CGNL1: variants seen among roughly 807,000 people sequenced by gnomAD.
The protein encoded by CGNL1 is cingulin-like protein 1.
CGNL1 carries 132 observed loss-of-function variants against 141.2 expected under a neutral mutation model. The observed-to-expected ratio is 0.93, with a 90% CI of 0.81 to 1.08. The LOEUF (loss-of-function observed/expected upper bound fraction) is 1.08. Ranked by LOEUF, CGNL1 falls within the 50% of genes least tolerant of loss-of-function variation. The pLI is 0.00. For synonymous variants in CGNL1, 690 were observed against 622.1 expected, an observed-to-expected ratio of 1.11 and a Z score of -1.63; for missense variants, 1,870 against 1,588.6, an observed-to-expected ratio of 1.18 and a Z score of -3.01.
At position 57,531,572 on chromosome 15, in the gene CGNL1, A is replaced by G. The variant is rs990544948; in HGVS notation, c.3202-118A>G. On this transcript the variant is annotated intron_variant, in intron 13 of 18. Coordinates refer to ENST00000281282, the MANE Select transcript of CGNL1 (RefSeq NM_032866.5). ...AAGAAATAGATATATTGTTTTTCCAAACTCTAATGGTAGTTAGCTCTCATT... is the reference window on the plus strand; with the variant it reads ...AAGAAATAGATATATTGTTTTTCCAGACTCTAATGGTAGTTAGCTCTCATT... 30 of 681,440 alleles carry G rather than the reference A, an allele frequency of 4.4e-5. No individual in the cohort carries two copies. In the East Asian group the frequency reaches 5.6e-4, roughly 13 times the overall value. The allele number at this position is 681,440 out of a possible 1,614,324, so 42.2% of individuals were successfully genotyped here.
In CGNL1 at chr15:57,439,588, C is replaced by T. The variant is rs1595706712; in HGVS notation, c.1589C>T (p.Ala530Val). Residue 530 changes from alanine to valine, a missense_variant, in exon 2 of 19, where the codon GCC (alanine) becomes GTC (valine). Coordinates refer to ENST00000281282, the MANE Select transcript of CGNL1 (RefSeq NM_032866.5). ...ATTTCCGTGAAGACATTTCCTTCGG[C>T]CTCAAATACTCAGGTAACACTAGTG... is the stretch of plus-strand genomic sequence containing the variant. Reference protein sequence around the residue: ...KKISVKTFPSASNTQATPDLL... With the variant: ...KKISVKTFPSVSNTQATPDLL... 1 of 1,613,076 alleles carries T rather than the reference C, an allele frequency of 6.2e-7. No individual in the cohort carries two copies. Among genetic ancestry groups the T allele is most frequent in the Admixed American group, 1.7e-5 (1 of 59,994 alleles).
At chr15:57,422,079 T>C (rs2062921265) in intron 1 of CGNL1, among the ~76,000 whole-genome samples, 1 of 147,132 alleles carries the variant, frequency 6.8e-6, no homozygotes, top group Non-Finnish European at 1.5e-5. Flanking sequence ...ATGAAGTCCA[T>C]GTGGGGCCCT....
intron 1 of CGNL1, among the ~76,000 whole-genome samples, chr15:57,381,030 CA>C (rs1460644659): frequency 6.6e-6 from 1 of 152,204 alleles, no homozygotes; most frequent in Non-Finnish European, 1.5e-5. Flanking sequence ...AACTGGACTT[CA>C]CACTGTTTTT....
intron 8 of CGNL1, among the ~76,000 whole-genome samples, chr15:57,497,709 C>T (rs1406167769): frequency 2.0e-5 from 3 of 152,170 alleles, no homozygotes; most frequent in Non-Finnish European, 2.9e-5. Context: ...GCAGGCCCTG[C>T]GGAATCTGGA....
intron 4 of CGNL1, among the ~76,000 whole-genome samples, chr15:57,443,532 A>C (rs187803961): frequency 2.6e-5 from 4 of 152,252 alleles, no homozygotes; most frequent in Admixed American, 6.5e-5. Context: ...ACAGGGGATA[A>C]TTTTAGGCGT....
chr15:57,419,080 C>T (rs1478288572), intron 1 of CGNL1, among the ~76,000 whole-genome samples: 1 of 152,070 alleles, frequency 6.6e-6, no homozygotes, highest in African/African-American at 2.4e-5. Flanking sequence ...TACAGGCATG[C>T]GCCACCACGC....
chr15:57,395,501 C>T (rs925451717), intron 1 of CGNL1, among the ~76,000 whole-genome samples: 1 of 152,210 alleles, frequency 6.6e-6, no homozygotes, highest in African/African-American at 2.4e-5. Context: ...ACTGAATGCC[C>T]AGGTCACAGC....
intron 8 of CGNL1, among the ~76,000 whole-genome samples, chr15:57,484,521 G>C (rs544799212): frequency 6.6e-6 from 1 of 151,264 alleles, no homozygotes; most frequent in African/African-American, 2.4e-5. Context: ...GATTTTTTTT[G>C]TTAACATTTG....
intron 8 of CGNL1, among the ~76,000 whole-genome samples, chr15:57,492,013 G>C (rs1397449341): frequency 6.6e-6 from 1 of 152,152 alleles, no homozygotes; most frequent in Non-Finnish European, 1.5e-5. Flanking sequence ...ATCCTGAATG[G>C]GATCAAGAGC....
chr15:57,508,716 C>T (rs1163185353), intron 8 of CGNL1, among the ~76,000 whole-genome samples: 1 of 152,142 alleles, frequency 6.6e-6, no homozygotes, highest in African/African-American at 2.4e-5. Context: ...GCAGAAAGGC[C>T]CTGAGAGCTG....
intron 8 of CGNL1, among the ~76,000 whole-genome samples, chr15:57,485,712 TAA>T (rs1467647884): frequency 1.3e-5 from 2 of 152,216 alleles, no homozygotes; most frequent in Non-Finnish European, 2.9e-5. Flanking sequence ...GAACAATGCA[TAA>T]GAGTATAGAG....
At chr15:57,458,398 A>G (rs2063405267) in intron 7 of CGNL1, among the ~76,000 whole-genome samples, 1 of 152,222 alleles carries the variant, frequency 6.6e-6, no homozygotes, top group African/African-American at 2.4e-5. Context: ...CTACTAAGTG[A>G]TATGGCGAGG....
At chr15:57,389,043 A>G (rs1170025402) in intron 1 of CGNL1, among the ~76,000 whole-genome samples, 1 of 151,252 alleles carries the variant, frequency 6.6e-6, no homozygotes, top group Non-Finnish European at 1.5e-5. Flanking sequence ...TTTTCTTTTT[A>G]AATTTAAATT....
chr15:57,438,552 A>T lies in CGNL1; in HGVS notation c.553A>T (p.Asn185Tyr), dbSNP rs1175582379. The T allele has an allele frequency of 1.2e-6, 2 of 1,613,756 alleles. No individual in the cohort carries two copies. The highest frequency in any genetic ancestry group is 2.7e-5 in the African/African-American group (2 of 74,936). The change falls in exon 2 of 19, where the codon AAT becomes TAT. Residue 185 changes from asparagine (N) to tyrosine (Y), a missense_variant. Transcript: ENST00000281282. ...AACGTTGACAGAAGAAGGCATCAAC[A>T]ATAAGAAGCCTTGGACTTGCTTTCC... The part of the protein sequence containing the change: ...LKTLTEEGIN[N>Y]KKPWTCFPKP...
intron 7 of CGNL1, among the ~76,000 whole-genome samples, chr15:57,460,452 A>G (rs781018507): frequency 1.9e-4 from 29 of 152,344 alleles, no homozygotes; most frequent in Non-Finnish European, 4.3e-4. Context: ...AAATGGCAGA[A>G]AGAAAAGACA....
chr15:57,547,113 A>T (rs1308606684), intron 18 of CGNL1, among the ~76,000 whole-genome samples: 1 of 152,254 alleles, frequency 6.6e-6, no homozygotes, highest in African/African-American at 2.4e-5. Flanking sequence ...GGAAATCAAC[A>T]ATACTGATCC....
At chr15:57,408,735 G>A (rs368970776) in intron 1 of CGNL1, among the ~76,000 whole-genome samples, 35 of 151,888 alleles carry the variant, frequency 2.3e-4, no homozygotes, top group Non-Finnish European at 3.2e-4. Flanking sequence ...AAAGAGATAC[G>A]TTCTTGAAAT....
At chr15:57,427,747 G>A (rs1292621246) in intron 1 of CGNL1, among the ~76,000 whole-genome samples, 2 of 107,198 alleles carry the variant, frequency 1.9e-5, no homozygotes, top group East Asian at 2.8e-4. Context: ...TGTTATAGCT[G>A]GCATTGCTGG....
At chr15:57,448,587 G>A (rs1280430233) in intron 4 of CGNL1, among the ~76,000 whole-genome samples, 1 of 152,020 alleles carries the variant, frequency 6.6e-6, no homozygotes, top group Non-Finnish European at 1.5e-5. Context: ...GATAGAGGTT[G>A]CAGTGAGCCA....
Sources: allele counts gnomAD v4.1 joint callset (sites outside exome capture counted in the v4.1 genomes callset), GRCh38; gene constraint gnomAD v4.1.1; transcripts MANE v1.5; gene names NCBI Gene and HGNC (gene_info 2026-07-23, HGNC 2026-07-21).